Variants in RBFOX1 observed in about 807,000 individuals in gnomAD.
RBFOX1 encodes the protein RNA binding fox-1 homolog 1.
A neutral mutation model predicts 57.7 loss-of-function variants in RBFOX1; 8 were observed. The observed-to-expected ratio is 0.14, with a 90% CI of 0.08 to 0.25. The LOEUF is 0.25. RBFOX1 is among the 10% of genes least tolerant of loss of function. The pLI is 1.00. For synonymous variants in RBFOX1, 326 were observed against 222.4 expected, an observed-to-expected ratio of 1.47 and a Z score of -4.15; for missense variants, 611 against 548.5, an observed-to-expected ratio of 1.11 and a Z score of -1.14.
intron 3 of RBFOX1, among the ~76,000 whole-genome samples, chr16:6,662,959 G>A (rs896341820): frequency 6.6e-5 from 10 of 152,186 alleles, no homozygotes; most frequent in Non-Finnish European, 1.2e-4. Context: ...TTGTGAGTAT[G>A]GATCGCACAT....
rs77612669 is a variant in RBFOX1 at position 6,171,612 on chromosome 16, T to C, written c.-126-145383T>C. On this transcript the variant is annotated intron_variant, in intron 1 of 15. Transcript: ENST00000550418. ...ATAATGCTTAGAGGGTTAAAAAGCA[T>C]ACCTGGATTTTCAAGGGTTAAAAGT... Among the ~76,000 whole-genome samples the C allele has an allele frequency of 6.2e-3, 937 of 152,206 alleles. 11 individuals are homozygous for C. Among genetic ancestry groups the C allele is most frequent in the African/African-American group, 0.021 (881 of 41,524 alleles).
intron 3 of RBFOX1, among the ~76,000 whole-genome samples, chr16:5,764,487 C>T (rs1269952558): frequency 6.6e-6 from 1 of 152,062 alleles, no homozygotes; most frequent in Admixed American, 6.6e-5. Context: ...TATAAATTAC[C>T]CAGGCTCAGG....
Position 6,892,775 on chromosome 16 carries a change from CCTCTCTCTCTCT to C in RBFOX1, c.-15-159241_-15-159230del, listed in dbSNP as rs750285832. Among the ~76,000 whole-genome samples, 77 of 84,732 alleles carry C rather than the reference CCTCTCTCTCTCT, an allele frequency of 9.1e-4. No homozygotes were observed. The East Asian group carries it at 9.1e-3, about 10-fold the overall frequency. The allele number at this position is 84,732 out of a possible 152,430, so 55.6% of individuals were successfully genotyped here. On this transcript the variant is annotated intron_variant, in intron 3 of 15. Coordinates refer to ENST00000550418, the MANE Select transcript of RBFOX1 (RefSeq NM_018723.4). ...CATATTCTCAAAGCCTCCCTGTCTC[CCTCTCTCTCTCT>C]CTCTCTCTCTCTCTCTCTCTCTCTC...
chr16:6,065,212 T>G (rs2095745104), intron 1 of RBFOX1, among the ~76,000 whole-genome samples: 5 of 150,766 alleles, frequency 3.3e-5, no homozygotes, highest in Admixed American at 3.3e-4. Context: ...TTTTTTTTTT[T>G]TCTGTAGAGA....
chr16:6,639,351 G>A (rs146870198), intron 2 of RBFOX1, among the ~76,000 whole-genome samples: 111 of 152,164 alleles, frequency 7.3e-4, no homozygotes, highest in Middle Eastern at 3.4e-3. Context: ...TTACAAGAGC[G>A]GTTTAGTAGG....
chr16:7,620,921 C>T (rs927424494), intron 10 of RBFOX1, among the ~76,000 whole-genome samples: 1 of 152,092 alleles, frequency 6.6e-6, no homozygotes, highest in East Asian at 1.9e-4. Flanking sequence ...CCTAGGGCCA[C>T]CTTAATGGGC....
rs1409444175 is a variant in RBFOX1, at chr16:5,596,817, C to A, written c.259-2085C>A. Among the ~76,000 whole-genome samples, 7 of 152,332 alleles carry A rather than the reference C, an allele frequency of 4.6e-5. No individual in the cohort carries two copies. In the East Asian group the frequency reaches 1.3e-3, roughly 29 times the overall value. The stretch of plus-strand genomic sequence containing the variant: ...AAAATCACTGCATCATCCTCCTCCC[C>A]CTTCTCTCCCCATTCAGGCTACTAC... On this transcript the variant is annotated intron_variant, in intron 2 of 2. Transcript: ENST00000585867.
intron 1 of RBFOX1, among the ~76,000 whole-genome samples, chr16:5,261,609 G>C (rs145733282): frequency 4.7e-5 from 7 of 149,254 alleles, no homozygotes; most frequent in Admixed American, 4.0e-4. Context: ...GAGTGCAGTG[G>C]TGTGATCCCA....
At chr16:7,520,988 A>C (rs1567646765) in intron 5 of RBFOX1, among the ~76,000 whole-genome samples, 1 of 152,214 alleles carries the variant, frequency 6.6e-6, no homozygotes, top group African/African-American at 2.4e-5. Context: ...GTAACTTAGT[A>C]TGAGAGGCAG....
intron 4 of RBFOX1, among the ~76,000 whole-genome samples, chr16:7,463,594 C>T (rs895944240): frequency 4.6e-5 from 7 of 152,198 alleles, no homozygotes; most frequent in Non-Finnish European, 8.8e-5. Context: ...CTAATACCAT[C>T]ACCTTGGTGT....
intron 3 of RBFOX1, among the ~76,000 whole-genome samples, chr16:6,991,656 C>A (rs1462243183): frequency 6.6e-6 from 1 of 152,134 alleles, no homozygotes; most frequent in Non-Finnish European, 1.5e-5. Flanking sequence ...CCTACCTCAG[C>A]TGTCCAAGTA....
At chr16:6,890,216 A>C (rs759127894) in intron 3 of RBFOX1, among the ~76,000 whole-genome samples, 1 of 152,150 alleles carries the variant, frequency 6.6e-6, no homozygotes, top group Non-Finnish European at 1.5e-5. Context: ...ACCCTAAAAT[A>C]TTGTTATGAA....
At chr16:6,951,581 G>A (rs1449510819) in intron 3 of RBFOX1, among the ~76,000 whole-genome samples, 1 of 152,020 alleles carries the variant, frequency 6.6e-6, no homozygotes, top group Non-Finnish European at 1.5e-5. Context: ...TTCTCTCCTT[G>A]TACCTTGTTC....
At position 5,647,871 on chromosome 16, in the gene RBFOX1, G is replaced by C. The variant is rs184520915; in HGVS notation, c.318+48910G>C. 3.5e-3 allele frequency among the ~76,000 whole-genome samples: 529 copies of C among 151,574 alleles called. 3 individuals carry two copies. The highest frequency in any genetic ancestry group is 0.012 in the African/African-American group (483 of 41,020). ...CTGTTTTGTTTTTGTTTTTGTTTTT[G>C]TTTTTTGAGATGGAGTTTCATTCTG... On this transcript the variant is annotated intron_variant, in intron 3 of 19. Transcript: ENST00000641259.
intron 1 of RBFOX1, among the ~76,000 whole-genome samples, chr16:5,401,428 C>G (rs1028352584): frequency 9.9e-5 from 15 of 152,162 alleles, no homozygotes; most frequent in Non-Finnish European, 2.1e-4. Context: ...GTTTGCCCAT[C>G]AGGTCTTATG....
chr16:6,292,746 G>T (rs759788868), intron 1 of RBFOX1, among the ~76,000 whole-genome samples: 13 of 152,160 alleles, frequency 8.5e-5, no homozygotes, highest in Non-Finnish European at 1.0e-4. Flanking sequence ...ACACATCCCT[G>T]TTACCAGCTC....
chr16:7,431,538 G>A (rs1437646092), intron 4 of RBFOX1, among the ~76,000 whole-genome samples: 7 of 152,284 alleles, frequency 4.6e-5, no homozygotes, highest in Middle Eastern at 3.4e-3. Flanking sequence ...CCGCGCCACT[G>A]TGCCCGGCTT....
At chr16:6,311,480 C>T (rs1210921530) in intron 1 of RBFOX1, among the ~76,000 whole-genome samples, 1 of 152,068 alleles carries the variant, frequency 6.6e-6, no homozygotes, top group Admixed American at 6.5e-5. Flanking sequence ...GGAGAATCCG[C>T]TCCTGAAGTC....
intron 3 of RBFOX1, among the ~76,000 whole-genome samples, chr16:6,855,845 C>CCTTCCCTCCCTGTTTCCCTCCCTG (rs202089163): frequency 9.6e-5 from 11 of 114,674 alleles, no homozygotes; most frequent in Non-Finnish European, 1.9e-4. Flanking sequence ...TTCCCTCCCT[C>CCTTCCCTCCCTGTTTCCCTCCCTG]TTTCCCTCCC....
Sources: allele counts gnomAD v4.1 joint callset (sites outside exome capture counted in the v4.1 genomes callset), GRCh38; gene constraint gnomAD v4.1.1; transcripts MANE v1.5; gene names NCBI Gene and HGNC (gene_info 2026-07-23, HGNC 2026-07-21).